TNPO1: variants seen among roughly 807,000 people sequenced by gnomAD.
TNPO1 encodes the protein transportin 1, also known as transportin-1.
In TNPO1, 8 loss-of-function variants were observed where a neutral mutation model predicts 119.5. That is an observed-to-expected ratio of 0.07 (90% CI 0.04 to 0.12). The LOEUF (loss-of-function observed/expected upper bound fraction) is 0.12, where lower values mean the gene tolerates loss of function less well. TNPO1 is among the 10% of genes least tolerant of loss of function. The probability of loss-of-function intolerance (pLI) is 1.00; values close to 1 mark genes in which losing one functional copy is unlikely to be tolerated. For synonymous variants in TNPO1, 362 were observed against 363.0 expected (o/e 1.00, Z 0.03); for missense variants, 576 against 1,089.8 (o/e 0.53, Z 6.64).
chr5:72,826,908 T>TA (rs1334400910), intron 1 of TNPO1, among the ~76,000 whole-genome samples: 1 of 152,162 alleles, frequency 6.6e-6, no homozygotes, highest in East Asian at 1.9e-4. Context: ...TTCTTTTTTT[T>TA]AGCAATGAGA....
intron 9 of TNPO1, among the ~76,000 whole-genome samples, chr5:72,877,800 A>G (rs1287311332): frequency 6.6e-5 from 10 of 152,092 alleles, no homozygotes; most frequent in Admixed American, 6.6e-4. Flanking sequence ...ATTGCAGAAA[A>G]TTTTATATTT....
Position 72,903,953 on chromosome 5 carries a change from A to G in TNPO1, c.2589+170A>G, listed in dbSNP as rs187843799. On this transcript the variant is annotated intron_variant, in intron 23 of 24. Transcript: ENST00000337273. ...ACAAAGTTGGCTTGATCTTTTCTTA[A>G]AATACAGCAGTGACTCTTATCTGTA... is the stretch of plus-strand genomic sequence containing the variant. Among the ~76,000 whole-genome samples the G allele has an allele frequency of 4.6e-5, 7 of 152,308 alleles. No individual in the cohort carries two copies. In the East Asian group the frequency reaches 1.2e-3, roughly 25 times the overall value.
Position 72,897,120 on chromosome 5 carries a change from C to G in TNPO1, c.2307C>G (p.Pro769=). The change falls in exon 20 of 25, where the codon CCC becomes CCG. Residue 769 remains proline (P), a synonymous_variant. Coordinates refer to ENST00000337273, the MANE Select transcript of TNPO1 (RefSeq NM_002270.4). The part of the protein sequence containing the change: ...LHQLVEIINR[P]NTPKTLLENT... ...AGCTTGTAGAAATCATTAACAGACC[C>G]AACACACCAAAGACGTTGTTAGAGA... The G allele has an allele frequency of 6.2e-7, 1 of 1,611,316 alleles. No individual in the cohort carries two copies. Among genetic ancestry groups the G allele is most frequent in the South Asian group, 1.1e-5 (1 of 90,692 alleles).
chr5:72,861,792 TG>T lies in TNPO1; in HGVS notation c.356-15del, dbSNP rs1239040515. On this transcript the variant is annotated splice_polypyrimidine_tract_variant and intron_variant, in intron 4 of 24. Transcript: ENST00000337273. ...AATGCTGTTGGATTTCCTAAAGAAG[TG>T]TGTTTTTGTTCAAGGTATTTTGATC... is the stretch of plus-strand genomic sequence containing the variant. 1 of 1,569,584 alleles carries T rather than the reference TG, an allele frequency of 6.4e-7. No individual in the cohort carries two copies. The highest frequency in any genetic ancestry group is 8.8e-7 in the Non-Finnish European group (1 of 1,140,212).
At chr5:72,874,795 C>T (rs1167805760) in intron 7 of TNPO1, among the ~76,000 whole-genome samples, 1 of 152,120 alleles carries the variant, frequency 6.6e-6, no homozygotes, top group African/African-American at 2.4e-5. Context: ...TGTTACTTAA[C>T]TTTTTAAATG....
intron 1 of TNPO1, among the ~76,000 whole-genome samples, chr5:72,839,097 G>A (rs1744809008): frequency 6.6e-6 from 1 of 152,012 alleles, no homozygotes; most frequent in African/African-American, 2.4e-5. Context: ...ATTGGACTAG[G>A]GTTAACAATA....
rs770002722 is a variant in TNPO1, at chr5:72,887,040, G to A, written c.1151-30G>A. 3 of 1,586,986 alleles carry A rather than the reference G, an allele frequency of 1.9e-6. No homozygotes were observed. In the South Asian group the frequency reaches 3.5e-5, roughly 18 times the overall value. On this transcript the variant is annotated intron_variant, in intron 11 of 24. Transcript: ENST00000337273. ...AATATATAAGTAATAAGAGGTTAAT[G>A]TAATATTTTTGAATTAAATATTTCC...
At chr5:72,831,545 A>G (rs907397118) in intron 1 of TNPO1, among the ~76,000 whole-genome samples, 2 of 151,994 alleles carry the variant, frequency 1.3e-5, no homozygotes, top group African/African-American at 4.8e-5. Flanking sequence ...TATTATTAAC[A>G]TATTAAAAAT....
chr5:72,914,115 A>T lies in TNPO1; in HGVS notation c.*5442A>T, dbSNP rs1186658665. ...CTATGTTAGAATGTGTCCTTCAAAC[A>T]TATCCTCCTGCAACTTCTCAAACTG... On this transcript the variant is annotated 3_prime_UTR_variant, in exon 25 of 25. Transcript: ENST00000337273. 6.6e-6 allele frequency: 1 copy of T among 152,618 alleles called. No homozygotes were observed. The highest frequency in any genetic ancestry group is 1.5e-5 in the Non-Finnish European group (1 of 68,002). The allele number at this position is 152,618 out of a possible 1,614,324, so 9.5% of individuals were successfully genotyped here.
chr5:72,886,634 C>T (rs1446282643), intron 11 of TNPO1, among the ~76,000 whole-genome samples: 2 of 152,078 alleles, frequency 1.3e-5, no homozygotes, highest in African/African-American at 4.8e-5. Flanking sequence ...CATGGTGGCT[C>T]ACACCTGTAA....
intron 1 of TNPO1, among the ~76,000 whole-genome samples, chr5:72,834,928 CT>C (rs1015332164): frequency 1.2e-4 from 18 of 151,436 alleles, no homozygotes; most frequent in African/African-American, 3.9e-4. Flanking sequence ...TTTACCATAC[CT>C]TTTGTATGTT....
chr5:72,816,678 G>T lies in TNPO1; in HGVS notation c.-60G>T. On this transcript the variant is annotated 5_prime_UTR_variant, in exon 1 of 25. The change creates a new upstream start codon in the 5' untranslated region. Transcript: ENST00000337273. ...TTCTCTTTGTTCCGCAGCCATTTCAGGCCCCGGACAGGAGGCAGTGCCGCT... is the reference window on the plus strand; with the variant it reads ...TTCTCTTTGTTCCGCAGCCATTTCATGCCCCGGACAGGAGGCAGTGCCGCT... 1 of 1,517,020 alleles carries T rather than the reference G, an allele frequency of 6.6e-7. No individual in the cohort carries two copies. Among genetic ancestry groups the T allele is most frequent in the African/African-American group, 1.4e-5 (1 of 69,522 alleles). 94.0% of individuals were successfully genotyped at this position (1,517,020 alleles called of 1,614,324 possible).
chr5:72,908,521 T>C (rs1342098877), intron 24 of TNPO1, among the ~76,000 whole-genome samples, 188 bp from the exon 25 acceptor site: 1 of 152,130 alleles, frequency 6.6e-6, no homozygotes, highest in Admixed American at 6.5e-5. Flanking sequence ...CAGCAAACAA[T>C]TCAGTGCCAT....
chr5:72,869,771 T>G (rs954170034), intron 6 of TNPO1, among the ~76,000 whole-genome samples: 2 of 152,218 alleles, frequency 1.3e-5, no homozygotes, highest in South Asian at 2.1e-4. Context: ...GAAAAATTCA[T>G]TCTTCACAAA....
chr5:72,838,281 C>G (rs1580374428), intron 1 of TNPO1, among the ~76,000 whole-genome samples: 1 of 152,154 alleles, frequency 6.6e-6, no homozygotes, highest in East Asian at 1.9e-4. Context: ...CTGGATCCTT[C>G]TCACTTCAGA....
In TNPO1 at chr5:72,891,995, T is replaced by C. The variant is rs569090539; in HGVS notation, c.1788+99T>C. 4 of 875,672 alleles carry C rather than the reference T, an allele frequency of 4.6e-6. No individual in the cohort carries two copies. In the Admixed American group the frequency reaches 7.0e-5, roughly 15 times the overall value. The allele number at this position is 875,672 out of a possible 1,614,324, so 54.2% of individuals were successfully genotyped here. ...GAAAAGTGTTAATAAATTTATATTC[T>C]GAAGTAGACGGAGGAAATTATATGA... On this transcript the variant is annotated intron_variant, in intron 15 of 24. Transcript: ENST00000337273.
intron 1 of TNPO1, among the ~76,000 whole-genome samples, chr5:72,822,493 CAT>C (rs1465210930): frequency 1.3e-5 from 2 of 151,840 alleles, no homozygotes; most frequent in African/African-American, 4.8e-5. Flanking sequence ...TATCAGGAGT[CAT>C]GTGTGCTAGG....
intron 1 of TNPO1, among the ~76,000 whole-genome samples, chr5:72,841,958 A>G (rs1353864095): frequency 1.3e-5 from 2 of 152,064 alleles, no homozygotes; most frequent in African/African-American, 2.4e-5. Context: ...TGATTCAGCA[A>G]ATTTCTTAAG....
At chr5:72,906,823 A>G (rs1750206199) in intron 24 of TNPO1, among the ~76,000 whole-genome samples, 1 of 152,182 alleles carries the variant, frequency 6.6e-6, no homozygotes, top group Admixed American at 6.5e-5. Flanking sequence ...AGTAAAGGTT[A>G]GGAACTGGGC....
Sources: allele counts gnomAD v4.1 joint callset (sites outside exome capture counted in the v4.1 genomes callset), GRCh38; gene constraint gnomAD v4.1.1; transcripts MANE v1.5; gene names NCBI Gene and HGNC (gene_info 2026-07-23, HGNC 2026-07-21).